Variants in SELENOT observed in about 807,000 individuals in gnomAD.
SELENOT encodes thioredoxin reductase-like selenoprotein T.
SELENOT carries 9 observed loss-of-function variants against 24.3 expected under a neutral mutation model. That is an observed-to-expected ratio of 0.37 (90% confidence interval 0.22 to 0.65). SELENOT has a LOEUF of 0.65. SELENOT is among the 30% of genes least tolerant of loss of function. SELENOT has a pLI of 0.60. For missense variants in SELENOT, 166 were observed against 247.6 expected (o/e 0.67, Z 2.21); for synonymous variants, 81 against 86.0 (o/e 0.94, Z 0.32).
In SELENOT at chr3:150,624,863, T is replaced by C; in HGVS notation, c.427T>C (p.Cys143Arg). ...CTTGAGCAACATGATTGAGAACCAG[T>C]GTATGTCAACAGGTGCATTTGAGAT... ...FFLSNMIENQ[C>R]MSTGAFEITL... Residue 143 changes from cysteine to arginine, a missense_variant, in exon 4 of 6, where the codon TGT becomes CGT. By Grantham distance (180) the Cys-to-Arg change is radical (BLOSUM62 -3). Transcript: ENST00000471696. The C allele has an allele frequency of 1.9e-6, 3 of 1,564,628 alleles. No homozygotes were observed. Among genetic ancestry groups the C allele is most frequent in the Non-Finnish European group, 1.7e-6 (2 of 1,152,926 alleles).
intron 1 of SELENOT, among the ~76,000 whole-genome samples, chr3:150,615,315 G>A (rs1181690096): frequency 2.6e-5 from 4 of 151,512 alleles, no homozygotes; most frequent in Middle Eastern, 3.4e-3. Context: ...GAATAATGCC[G>A]CAATAAACAT....
intron 4 of SELENOT, 109 bp from the exon 5 acceptor site, chr3:150,626,901 C>T (rs1416661120): frequency 7.1e-6 from 8 of 1,132,410 alleles, no homozygotes; most frequent in Admixed American, 2.9e-5. Flanking sequence ...ACTTTTTTGC[C>T]TACTTTTGTA....
chr3:150,629,078 C>T lies in SELENOT; in HGVS notation c.*1449C>T, dbSNP rs987131537. ...GGTTCAACATTGAGTCCACTTAACA[C>T]TTAGGTGTTAGAAGACCTAACTTTC... On this transcript the variant is annotated 3_prime_UTR_variant, in exon 6 of 6. Transcript: ENST00000471696. 6 of 152,140 alleles carry T rather than the reference C, an allele frequency of 3.9e-5. No homozygotes were observed. The highest frequency in any genetic ancestry group is 7.3e-5 in the Non-Finnish European group (5 of 68,030). 9.4% of individuals were successfully genotyped at this position (152,140 alleles called of 1,614,324 possible).
chr3:150,612,896 A>T (rs1726127878), intron 1 of SELENOT, among the ~76,000 whole-genome samples: 1 of 152,224 alleles, frequency 6.6e-6, no homozygotes, highest in Non-Finnish European at 1.5e-5. Flanking sequence ...TTTTTAAAAG[A>T]TACTTTATAT....
intron 1 of SELENOT, among the ~76,000 whole-genome samples, chr3:150,605,717 GTTGC>G (rs929200458): frequency 2.7e-4 from 41 of 152,224 alleles, no homozygotes; most frequent in African/African-American, 9.6e-4. Flanking sequence ...CTTGTTGTTT[GTTGC>G]TTTTCCCCCC....
intron 1 of SELENOT, among the ~76,000 whole-genome samples, chr3:150,609,201 T>G (rs1481654720): frequency 6.6e-6 from 1 of 152,204 alleles, no homozygotes; most frequent in Admixed American, 6.5e-5. Context: ...AACTTAAGTT[T>G]TGAATACACT....
intron 1 of SELENOT, among the ~76,000 whole-genome samples, chr3:150,619,249 T>A (rs1726286237): frequency 6.6e-6 from 1 of 150,436 alleles, no homozygotes; most frequent in Non-Finnish European, 1.5e-5. Flanking sequence ...GATTTCTTTT[T>A]GGCTAGGCAT....
intron 4 of SELENOT, among the ~76,000 whole-genome samples, chr3:150,625,931 G>A (rs1302116450): frequency 6.0e-5 from 9 of 150,546 alleles, no homozygotes; most frequent in Non-Finnish European, 1.5e-5. Flanking sequence ...GTGCCGTGGC[G>A]CGATCTCGAT....
intron 1 of SELENOT, among the ~76,000 whole-genome samples, chr3:150,621,422 G>A (rs1726342025): frequency 1.3e-5 from 2 of 151,956 alleles, no homozygotes; most frequent in Non-Finnish European, 2.9e-5. Context: ...TGGCACCTCA[G>A]ATTTTACTGT....
intron 1 of SELENOT, among the ~76,000 whole-genome samples, chr3:150,609,542 G>A (rs1487195065): frequency 6.6e-6 from 1 of 152,036 alleles, no homozygotes; most frequent in African/African-American, 2.4e-5. Context: ...TAGAGAGGAG[G>A]TTTCACCATG....
rs1258681348 is a variant in SELENOT at position 150,627,738 on chromosome 3, C to T, written c.*109C>T. 6.6e-6 allele frequency: 1 copy of T among 152,630 alleles called. No individual in the cohort carries two copies. Among genetic ancestry groups the T allele is most frequent in the Non-Finnish European group, 1.5e-5 (1 of 68,050 alleles). 9.5% of individuals were successfully genotyped at this position (152,630 alleles called of 1,614,324 possible). A position where few individuals can be genotyped will look rare whatever the true frequency, so the allele number is the denominator to read the frequency against. On this transcript the variant is annotated 3_prime_UTR_variant, in exon 6 of 6. Transcript: ENST00000471696. ...GAAGACAGCAAGCTGTTAGTACAGA[C>T]CAGATGCTTTCTTGGCAGGCTCGTT...
chr3:150,626,327 G>C (rs1200982449), intron 4 of SELENOT, among the ~76,000 whole-genome samples: 1 of 152,106 alleles, frequency 6.6e-6, no homozygotes, highest in Non-Finnish European at 1.5e-5. Flanking sequence ...GCAAGCTGTG[G>C]TCCTATGGAC....
At chr3:150,617,486 G>C (rs1726243050) in intron 1 of SELENOT, among the ~76,000 whole-genome samples, 5 of 152,172 alleles carry the variant, frequency 3.3e-5, no homozygotes, top group Admixed American at 3.3e-4. Flanking sequence ...TATAGTACCA[G>C]TTATTGAGGA....
intron 3 of SELENOT, among the ~76,000 whole-genome samples, chr3:150,624,103 C>G (rs532367026): frequency 6.6e-6 from 1 of 152,220 alleles, no homozygotes; most frequent in South Asian, 2.1e-4. Flanking sequence ...TATGACATTT[C>G]CTTGTATATT....
intron 1 of SELENOT, among the ~76,000 whole-genome samples, chr3:150,621,707 A>G (rs1726348574): frequency 7.0e-6 from 1 of 143,252 alleles, no homozygotes; most frequent in Non-Finnish European, 1.5e-5. Context: ...GAGTAATTAT[A>G]AGGATTTTCT....
chr3:150,623,024 CTTTCT>C lies in SELENOT; in HGVS notation c.249-10_249-6del. ...GGAAATTGTGGCTTCTGATGATTTT[CTTTCT>C]TTTCTTTTGATAGACACATAGCATC... On this transcript the variant is annotated splice_polypyrimidine_tract_variant and intron_variant, in intron 2 of 5. Coordinates refer to ENST00000471696, the MANE Select transcript of SELENOT (RefSeq NM_016275.5). The C allele has an allele frequency of 6.7e-7, 1 of 1,498,082 alleles. No individual in the cohort carries two copies. Among genetic ancestry groups the C allele is most frequent in the Non-Finnish European group, 8.9e-7 (1 of 1,122,826 alleles). The allele number at this position is 1,498,082 out of a possible 1,614,324, so 92.8% of individuals were successfully genotyped here.
At chr3:150,606,923 T>G (rs1484594575) in intron 1 of SELENOT, among the ~76,000 whole-genome samples, 1 of 152,178 alleles carries the variant, frequency 6.6e-6, no homozygotes, top group Non-Finnish European at 1.5e-5. Flanking sequence ...TTCCTTTTAT[T>G]GATTTTTATA....
intron 1 of SELENOT, 34 bp from the exon 2 acceptor site, chr3:150,622,351 A>G: frequency 9.2e-7 from 1 of 1,082,644 alleles, no homozygotes; most frequent in Non-Finnish European, 1.3e-6. Context: ...GATGTATGCT[A>G]AATGACTTAA....
At chr3:150,621,334 T>A (rs1273697538) in intron 1 of SELENOT, among the ~76,000 whole-genome samples, 1 of 152,114 alleles carries the variant, frequency 6.6e-6, no homozygotes, top group Non-Finnish European at 1.5e-5. Flanking sequence ...CATTTTACCG[T>A]GTCAGATAGA....
Sources: gnomAD v4.1 joint callset for allele counts (sites outside exome capture counted in the v4.1 genomes callset) on GRCh38, gnomAD v4.1.1 for gene constraint, MANE v1.5 for transcripts, NCBI Gene and HGNC (gene_info 2026-07-23, HGNC 2026-07-21) for gene names.